Variants in TMEM132D observed in about 807,000 individuals in gnomAD.
TMEM132D encodes transmembrane protein 132D, also known as mature OL transmembrane protein.
TMEM132D carries 21 observed loss-of-function variants against 62.3 expected under a neutral mutation model. That is an observed-to-expected ratio of 0.34 (90% confidence interval 0.24 to 0.49). The LOEUF is 0.49. Ranked by LOEUF, TMEM132D falls within the 20% of genes least tolerant of loss-of-function variation. The pLI is 0.99. For synonymous variants in TMEM132D, 621 were observed against 575.6 expected (o/e 1.08, Z -1.13); for missense variants, 1,346 against 1,402.8 (o/e 0.96, Z 0.65).
intron 1 of TMEM132D, among the ~76,000 whole-genome samples, chr12:129,758,939 T>TC (rs1434943499): frequency 3.5e-4 from 53 of 149,684 alleles, no homozygotes; most frequent in South Asian, 8.3e-4. Flanking sequence ...TTTCTTTCTT[T>TC]TTTTTTTTTT....
intron 2 of TMEM132D, among the ~76,000 whole-genome samples, chr12:129,679,990 TA>T (rs1205069838): frequency 6.6e-6 from 1 of 152,224 alleles, no homozygotes; most frequent in Non-Finnish European, 1.5e-5. Flanking sequence ...ATAATGTGTA[TA>T]AATTGCACTT....
intron 4 of TMEM132D, among the ~76,000 whole-genome samples, chr12:129,302,395 G>A (rs190878898): frequency 1.1e-4 from 16 of 152,376 alleles, no homozygotes; most frequent in Admixed American, 3.9e-4. Flanking sequence ...GATTACAGGC[G>A]TGAGCCACCA....
chr12:129,113,197 A>G (rs1015889938), intron 5 of TMEM132D: 4 of 152,114 alleles, frequency 2.6e-5, no homozygotes, highest in African/African-American at 9.7e-5. Context: ...ACCAATTCCC[A>G]TATAAACCGC....
At chr12:129,163,513 G>A (rs578235662) in intron 5 of TMEM132D, among the ~76,000 whole-genome samples, 87 of 152,284 alleles carry the variant, frequency 5.7e-4, no homozygotes, top group African/African-American at 2.0e-3. Flanking sequence ...CAGGATCAGA[G>A]GAGGACAGAA....
chr12:129,841,922 G>A (rs1873204537), intron 1 of TMEM132D, among the ~76,000 whole-genome samples: 1 of 148,882 alleles, frequency 6.7e-6, no homozygotes, highest in South Asian at 2.1e-4. Flanking sequence ...CTAAGCACTC[G>A]TGGTTTTCGT....
chr12:129,142,696 A>G (rs1017564063), intron 5 of TMEM132D, among the ~76,000 whole-genome samples: 1 of 152,196 alleles, frequency 6.6e-6, no homozygotes, highest in African/African-American at 2.4e-5. Flanking sequence ...TGGACAAGAG[A>G]CAAAATACAG....
chr12:129,375,850 A>G (rs1018415546), intron 3 of TMEM132D, among the ~76,000 whole-genome samples: 2 of 152,216 alleles, frequency 1.3e-5, no homozygotes, highest in Non-Finnish European at 1.5e-5. Flanking sequence ...CTCACTCAGC[A>G]TGTTAAAATA....
In TMEM132D at chr12:129,277,704, C is replaced by T. The variant is rs1196213047; in HGVS notation, c.1299+59930G>A. On this transcript the variant is annotated intron_variant, in intron 4 of 8. Transcript: ENST00000422113. The surrounding 1 kb of genome is among the most constrained non-coding windows in gnomAD (Gnocchi z 4.2). ...ATTGCCCGTATTGTGTTTTTCTTATCAGAATCATATCATATGAAGAAAAAA... is the reference window on the plus strand; with the variant it reads ...ATTGCCCGTATTGTGTTTTTCTTATTAGAATCATATCATATGAAGAAAAAA... Among the ~76,000 whole-genome samples, 2 of 152,140 alleles carry T rather than the reference C, an allele frequency of 1.3e-5. No homozygotes were observed. Among genetic ancestry groups the T allele is most frequent in the African/African-American group, 4.8e-5 (2 of 41,428 alleles).
At chr12:129,720,872 C>A (rs180761687) in intron 1 of TMEM132D, among the ~76,000 whole-genome samples, 221 of 152,314 alleles carry the variant, frequency 1.5e-3, no homozygotes, top group African/African-American at 4.7e-3. Context: ...AACTGAGTGG[C>A]CTCCCAGCCT....
intron 4 of TMEM132D, among the ~76,000 whole-genome samples, chr12:129,308,059 A>G (rs565633100): frequency 2.0e-4 from 31 of 152,296 alleles, no homozygotes; most frequent in African/African-American, 6.7e-4. Context: ...TCTATCTGCA[A>G]CATCCATATC....
intron 1 of TMEM132D, among the ~76,000 whole-genome samples, chr12:129,706,540 G>A (rs1881510219): frequency 6.6e-6 from 1 of 151,840 alleles, no homozygotes; most frequent in African/African-American, 2.4e-5. Flanking sequence ...ACTAAAATTT[G>A]CTTAAATGTT....
At chr12:129,605,587 T>TTGTATATATATATATA (rs1555221320) in intron 2 of TMEM132D, among the ~76,000 whole-genome samples, 3 of 107,382 alleles carry the variant, frequency 2.8e-5, no homozygotes, top group African/African-American at 1.2e-4. Context: ...AAATTAGGCA[T>TTGTATATATATATATA]TATATATATA....
intron 4 of TMEM132D, among the ~76,000 whole-genome samples, chr12:129,242,310 A>G (rs1289570098): frequency 1.3e-5 from 2 of 152,218 alleles, no homozygotes; most frequent in Non-Finnish European, 2.9e-5. Flanking sequence ...TATTATTTTG[A>G]CATTTATGCA....
intron 3 of TMEM132D, among the ~76,000 whole-genome samples, chr12:129,496,670 T>TAAA (rs3046079): frequency 6.0e-5 from 9 of 150,316 alleles, no homozygotes; most frequent in South Asian, 2.1e-4. Context: ...CAACTTACAT[T>TAAA]AAAAAAAAAA....
chr12:129,550,855 C>A (rs12227659), intron 2 of TMEM132D, among the ~76,000 whole-genome samples: 28,147 of 152,074 alleles, frequency 0.19, 3,016 homozygotes, highest in East Asian at 0.42. Flanking sequence ...CACCCTTCCT[C>A]CCAACAGGCA....
chr12:129,885,198 G>A (rs575543452), intron 1 of TMEM132D, among the ~76,000 whole-genome samples: 10 of 152,240 alleles, frequency 6.6e-5, no homozygotes, highest in African/African-American at 2.4e-4. Flanking sequence ...TTTTGGCAAC[G>A]GTTACCAGAC....
In TMEM132D at chr12:129,855,144, G is replaced by A. The variant is rs548567470; in HGVS notation, c.79+48117C>T. Among the ~76,000 whole-genome samples, 1,253 of 127,798 alleles carry A rather than the reference G, an allele frequency of 9.8e-3. 6 individuals carry two copies. Among genetic ancestry groups the A allele is most frequent in the African/African-American group, 0.035 (1,170 of 33,088 alleles). 83.8% of individuals were successfully genotyped at this position (127,798 alleles called of 152,430 possible). A position where few individuals can be genotyped will look rare whatever the true frequency, so the allele number is the denominator to read the frequency against. Reference sequence around the variant, plus strand: ...GCTGCCCTTGTAACAGAGTCCGGGGGAACGGGATGGGTGCCCTTATAACAG... The same window carrying A: ...GCTGCCCTTGTAACAGAGTCCGGGGAAACGGGATGGGTGCCCTTATAACAG... On this transcript the variant is annotated intron_variant, in intron 1 of 8. Transcript: ENST00000422113.
intron 1 of TMEM132D, among the ~76,000 whole-genome samples, chr12:129,738,000 T>C (rs1411945673): frequency 6.6e-6 from 1 of 152,230 alleles, no homozygotes; most frequent in African/African-American, 2.4e-5. Context: ...TTTATAAGGA[T>C]CATTCATCAT....
intron 3 of TMEM132D, among the ~76,000 whole-genome samples, chr12:129,489,810 T>A (rs913418196): frequency 2.6e-5 from 4 of 152,260 alleles, no homozygotes; most frequent in Non-Finnish European, 5.9e-5. Flanking sequence ...TACATTAATA[T>A]TTTGGTACAG....
Sources: gnomAD v4.1 joint callset for allele counts (sites outside exome capture counted in the v4.1 genomes callset) on GRCh38, gnomAD v4.1.1 for gene constraint, Gnocchi (gnomAD v3.1) non-coding constraint, MANE v1.5 for transcripts, NCBI Gene and HGNC (gene_info 2026-07-23, HGNC 2026-07-21) for gene names.